Variants in NFYC observed in about 807,000 individuals in gnomAD.
NFYC encodes the protein CAAT box DNA-binding protein subunit C.
A neutral mutation model predicts 53.1 loss-of-function variants in NFYC; 25 were observed. The observed-to-expected ratio is 0.47, with a 90% CI of 0.34 to 0.66. The LOEUF is 0.66. Among genes scored for constraint, NFYC ranks in the 30% least tolerant of loss-of-function variants. NFYC has a pLI of 0.01. For missense variants in NFYC, 260 were observed against 422.7 expected (o/e 0.62, Z 3.38); for synonymous variants, 145 against 152.6 (o/e 0.95, Z 0.37).
chr1:40,702,929 G>C (rs891084754), intron 1 of NFYC, among the ~76,000 whole-genome samples: 3 of 152,072 alleles, frequency 2.0e-5, no homozygotes, highest in African/African-American at 7.2e-5. Flanking sequence ...CGATTCTGCT[G>C]CCCCAGCCTC....
rs748692819 is a variant in NFYC, at chr1:40,762,880, C to T, written c.562-8C>T. Reference sequence around the variant, plus strand: ...CTCACGCAGCATTCTCATAACTCTTCCTTTCAGACCACACCTGTGACAATG... The same window carrying T: ...CTCACGCAGCATTCTCATAACTCTTTCTTTCAGACCACACCTGTGACAATG... On this transcript the variant is annotated splice_polypyrimidine_tract_variant and splice_region_variant and intron_variant, in intron 6 of 9. Transcript: ENST00000447388. The T allele has an allele frequency of 6.3e-7, 1 of 1,578,818 alleles. No individual in the cohort carries two copies. Among genetic ancestry groups the T allele is most frequent in the Non-Finnish European group, 8.6e-7 (1 of 1,159,584 alleles).
At position 40,724,184 on chromosome 1, in the gene NFYC, A is replaced by T. The variant is rs561581192; in HGVS notation, c.-8-14652A>T. On this transcript the variant is annotated intron_variant, in intron 1 of 9. Transcript: ENST00000447388. ...CAGGAGTTCAAGACCAACCTGGTCA[A>T]CATGGTGAAACCCGTCTCTTCAAAA... Among the ~76,000 whole-genome samples the T allele has an allele frequency of 1.8e-3, 276 of 152,316 alleles. 1 individual carries two copies. The highest frequency in any genetic ancestry group is 6.5e-3 in the African/African-American group (270 of 41,572).
chr1:40,771,133 G>A lies in NFYC; in HGVS notation c.*305G>A. On this transcript the variant is annotated 3_prime_UTR_variant, in exon 10 of 10. Coordinates refer to ENST00000447388, the MANE Select transcript of NFYC (RefSeq NM_014223.5). The stretch of plus-strand genomic sequence containing the variant: ...TATTTATGGCATTTTCTTGAAGAGT[G>A]TGGTTGAAGAAATATTTCTCCTTTT... 2.3e-6 allele frequency: 1 copy of A among 426,940 alleles called. No homozygotes were observed. The highest frequency in any genetic ancestry group is 3.3e-5 in the South Asian group (1 of 30,208). The allele number at this position is 426,940 out of a possible 1,614,324, so 26.4% of individuals were successfully genotyped here. A position where few individuals can be genotyped will look rare whatever the true frequency, so the allele number is the denominator to read the frequency against.
chr1:40,734,656 C>T (rs1271528556), intron 1 of NFYC, among the ~76,000 whole-genome samples: 3 of 152,138 alleles, frequency 2.0e-5, no homozygotes, highest in South Asian at 2.1e-4. Context: ...CCACCGTGCC[C>T]GGCCTGCTTT....
chr1:40,755,648 A>G (rs1326523076), intron 5 of NFYC, among the ~76,000 whole-genome samples: 3 of 152,216 alleles, frequency 2.0e-5, no homozygotes, highest in Admixed American at 2.0e-4. Flanking sequence ...TGGCAGAATG[A>G]GTCTTCATAA....
intron 1 of NFYC, among the ~76,000 whole-genome samples, chr1:40,692,883 CATT>C (rs1421686296): frequency 6.6e-6 from 1 of 152,154 alleles, no homozygotes; most frequent in African/African-American, 2.4e-5. Context: ...AACAGTTATA[CATT>C]ATTGAGTCTC....
chr1:40,735,585 C>T (rs6702983), intron 1 of NFYC: 14 of 984,936 alleles, frequency 1.4e-5, no homozygotes, highest in Non-Finnish European at 1.4e-5. Flanking sequence ...TGTTACCAGA[C>T]TTTTAAATCG....
At chr1:40,718,758 A>G (rs1644228281) in intron 1 of NFYC, among the ~76,000 whole-genome samples, 1 of 152,250 alleles carries the variant, frequency 6.6e-6, no homozygotes, top group Non-Finnish European at 1.5e-5. Flanking sequence ...TTCCTTAGCT[A>G]TGCAGATACA....
chr1:40,761,277 G>T (rs1359243815), intron 6 of NFYC, among the ~76,000 whole-genome samples: 1 of 152,182 alleles, frequency 6.6e-6, no homozygotes, highest in East Asian at 1.9e-4. Flanking sequence ...GGCTTGTGAG[G>T]ATGGTGAAGT....
chr1:40,753,501 C>T (rs917312452), intron 5 of NFYC, among the ~76,000 whole-genome samples: 7 of 152,180 alleles, frequency 4.6e-5, no homozygotes, highest in Non-Finnish European at 1.0e-4. Flanking sequence ...TAAAGTTAAG[C>T]TCATTTCAAG....
At chr1:40,720,388 C>T (rs570560061) in intron 1 of NFYC, among the ~76,000 whole-genome samples, 3 of 152,142 alleles carry the variant, frequency 2.0e-5, no homozygotes, top group African/African-American at 7.2e-5. Flanking sequence ...TCAGTGGAGC[C>T]GATGATTAGA....
In NFYC at chr1:40,770,040, G is replaced by A. The variant is rs1647008521; in HGVS notation, c.888+625G>A. ...CCTCTGGCTTCTGCCAGCACCACATGCTAGGCTTACATGCCAGGGCTCCCA... is the reference window on the plus strand; with the variant it reads ...CCTCTGGCTTCTGCCAGCACCACATACTAGGCTTACATGCCAGGGCTCCCA... On this transcript the variant is annotated intron_variant, in intron 9 of 9. Coordinates refer to ENST00000447388, the MANE Select transcript of NFYC (RefSeq NM_014223.5). This position sits in a 1 kb window ranked among gnomAD's most constrained non-coding sequence, Gnocchi z 5.3. 6.6e-6 allele frequency among the ~76,000 whole-genome samples: 1 copy of A among 152,182 alleles called. No individual in the cohort carries two copies. The highest frequency in any genetic ancestry group is 2.1e-4 in the South Asian group (1 of 4,828).
chr1:40,705,687 G>A (rs1391244269), intron 1 of NFYC, among the ~76,000 whole-genome samples: 2 of 152,120 alleles, frequency 1.3e-5, no homozygotes, highest in African/African-American at 4.8e-5. Flanking sequence ...TCATACCATT[G>A]GCTAGGTCTC....
At chr1:40,727,190 A>G (rs2148518762) in intron 1 of NFYC, among the ~76,000 whole-genome samples, 1 of 152,224 alleles carries the variant, frequency 6.6e-6, no homozygotes, top group Middle Eastern at 3.4e-3. Flanking sequence ...ATGAATTTTG[A>G]ATGGCTTTTT....
At chr1:40,713,808 T>C (rs998842563) in intron 1 of NFYC, among the ~76,000 whole-genome samples, 7 of 152,262 alleles carry the variant, frequency 4.6e-5, no homozygotes, top group Non-Finnish European at 8.8e-5. Flanking sequence ...ATTTTTCATG[T>C]TTCTTTTCTT....
In NFYC at chr1:40,753,205, G is replaced by A; in HGVS notation, c.346G>A (p.Asp116Asn). 1 of 1,613,962 alleles carries A rather than the reference G, an allele frequency of 6.2e-7. No individual in the cohort carries two copies. The highest frequency in any genetic ancestry group is 8.5e-7 in the Non-Finnish European group (1 of 1,179,892). ...TKFDQFDFLIDIVPRDELKPP... is the reference protein window; with the variant it reads ...TKFDQFDFLINIVPRDELKPP... ...ATTTGATCAGTTTGATTTTCTCATC[G>A]ATATTGTTCCAAGAGATGAACTGAA... Residue 116 changes from aspartate (D) to asparagine (N), a missense_variant, in exon 5 of 10, where the codon GAT becomes AAT. Transcript: ENST00000447388.
At chr1:40,722,276 A>G (rs1027061850) in intron 1 of NFYC, among the ~76,000 whole-genome samples, 1 of 152,194 alleles carries the variant, frequency 6.6e-6, no homozygotes, top group Non-Finnish European at 1.5e-5. Flanking sequence ...GACACACCCA[A>G]GGATTTAAAT....
chr1:40,758,157 G>A lies in NFYC; in HGVS notation c.424G>A (p.Val142Ile), dbSNP rs1227955858. The A allele has an allele frequency of 6.2e-7, 1 of 1,612,280 alleles. No individual in the cohort carries two copies. The highest frequency in any genetic ancestry group is 1.7e-5 in the Admixed American group (1 of 60,014). ...CCAGTCTGTAACTCCTGCCGAGCCAGTCCAGTACTATTTCACGCTGGCTCA... is the reference window on the plus strand; with the variant it reads ...CCAGTCTGTAACTCCTGCCGAGCCAATCCAGTACTATTTCACGCTGGCTCA... ...VRQSVTPAEP[V>I]QYYFTLAQQP... Residue 142 changes from valine to isoleucine, a missense_variant, in exon 6 of 10, where the codon GTC becomes ATC. Coordinates refer to ENST00000447388, the MANE Select transcript of NFYC (RefSeq NM_014223.5).
In NFYC at chr1:40,698,741, C is replaced by T. The variant is rs568291330; in HGVS notation, c.-9+6874C>T. ...AAAGCCAATAGTATATCCTTTGCCT[C>T]CCGGGTTCAAGTGTTAAAGTCAATT... On this transcript the variant is annotated intron_variant, in intron 1 of 9. Transcript: ENST00000447388. Among the ~76,000 whole-genome samples, 5 of 152,252 alleles carry T rather than the reference C, an allele frequency of 3.3e-5. No individual in the cohort carries two copies. The East Asian group carries it at 9.7e-4, about 29-fold the overall frequency.
Sources: gnomAD v4.1 joint callset for allele counts (sites outside exome capture counted in the v4.1 genomes callset) on GRCh38, gnomAD v4.1.1 for gene constraint, Gnocchi (gnomAD v3.1) non-coding constraint, MANE v1.5 for transcripts, NCBI Gene and HGNC (gene_info 2026-07-23, HGNC 2026-07-21) for gene names.